CNOT2: variants seen among roughly 807,000 people sequenced by gnomAD.
CNOT2 encodes the protein CC chemokine receptor 4-negative regulator of transcription 2.
CNOT2 carries 7 observed loss-of-function variants against 72.1 expected under a neutral mutation model. The ratio of observed to expected loss-of-function variants is 0.10; its 90% CI spans 0.06 to 0.18. The LOEUF (loss-of-function observed/expected upper bound fraction) is 0.18. Among genes scored for constraint, CNOT2 ranks in the 10% least tolerant of loss-of-function variants. The pLI, the probability that CNOT2 is intolerant of heterozygous loss-of-function variation, is 1.00. For missense variants in CNOT2, 345 were observed against 660.3 expected (o/e 0.52, Z 5.23); for synonymous variants, 196 against 225.6 (o/e 0.87, Z 1.17).
chr12:70,271,954 A>T (rs1256271356), intron 1 of CNOT2, among the ~76,000 whole-genome samples: 1 of 152,172 alleles, frequency 6.6e-6, no homozygotes, highest in Non-Finnish European at 1.5e-5. Context: ...CTAATCCTAC[A>T]CTCAAAAGCT....
intron 2 of CNOT2, among the ~76,000 whole-genome samples, chr12:70,283,647 T>TAA (rs34501610): frequency 1.3e-3 from 164 of 122,888 alleles, no homozygotes; most frequent in South Asian, 2.9e-3. Flanking sequence ...AGAATGAGTT[T>TAA]AAAAAAAAAA....
intron 2 of CNOT2, among the ~76,000 whole-genome samples, chr12:70,302,499 G>A (rs1433656015): frequency 6.6e-6 from 1 of 151,996 alleles, no homozygotes; most frequent in East Asian, 1.9e-4. Context: ...GGAGCAGGTT[G>A]TTCAGTTTCC....
At chr12:70,310,517 A>G (rs921143093) in intron 2 of CNOT2, among the ~76,000 whole-genome samples, 1 of 152,086 alleles carries the variant, frequency 6.6e-6, no homozygotes, top group African/African-American at 2.4e-5. Flanking sequence ...TAAGGTGATG[A>G]CAGATACACA....
Position 70,310,959 on chromosome 12 carries a change from A to G in CNOT2, c.113A>G (p.His38Arg), listed in dbSNP as rs141549168. The part of the protein sequence containing the change: ...KFVEGVDSDY[H>R]DENMYYSQSS... The stretch of plus-strand genomic sequence containing the variant: ...GTAGAGGGGGTCGACAGTGACTACC[A>G]TGACGAAAACATGTACTACAGCCAG... Residue 38 changes from histidine to arginine, a missense_variant, in exon 3 of 16, where the codon CAT becomes CGT. By Grantham distance (29) the His-to-Arg change is conservative. Coordinates refer to ENST00000229195, the MANE Select transcript of CNOT2 (RefSeq NM_014515.7). 2.6e-5 allele frequency: 41 copies of G among 1,607,802 alleles called. No individual in the cohort carries two copies. Among genetic ancestry groups the G allele is most frequent in the Non-Finnish European group, 3.3e-5 (39 of 1,174,670 alleles).
At chr12:70,321,244 G>A (rs1878247514) in intron 4 of CNOT2, among the ~76,000 whole-genome samples, 2 of 151,778 alleles carry the variant, frequency 1.3e-5, no homozygotes, top group South Asian at 4.1e-4. Context: ...GAACTGTAAT[G>A]TTTCAGGTCA....
chr12:70,256,366 A>G (rs973514851), intron 1 of CNOT2, among the ~76,000 whole-genome samples: 6 of 152,136 alleles, frequency 3.9e-5, no homozygotes, highest in Non-Finnish European at 7.4e-5. Context: ...TACTTTGGGA[A>G]CTTCAACTTG....
chr12:70,248,880 A>G (rs894116302), intron 1 of CNOT2, among the ~76,000 whole-genome samples: 1 of 152,060 alleles, frequency 6.6e-6, no homozygotes, highest in African/African-American at 2.4e-5. Flanking sequence ...CTTTCCTTAT[A>G]CGTGAGTAGA....
Position 70,278,152 on chromosome 12 carries a change from C to T in CNOT2, c.-75C>T, listed in dbSNP as rs1257853637. 6 of 1,113,672 alleles carry T rather than the reference C, an allele frequency of 5.4e-6. No individual in the cohort carries two copies. Among genetic ancestry groups the T allele is most frequent in the Non-Finnish European group, 8.1e-6 (6 of 737,182 alleles). 69.0% of individuals were successfully genotyped at this position (1,113,672 alleles called of 1,614,324 possible). On this transcript the variant is annotated 5_prime_UTR_variant, in exon 2 of 16. Coordinates refer to ENST00000229195, the MANE Select transcript of CNOT2 (RefSeq NM_014515.7). ...TCTAGAGGGAGACGTGGTGGGCGGT[C>T]CTTCCTGTGACACGACCCTTGAGTG...
At chr12:70,257,100 A>G (rs768867517) in intron 1 of CNOT2, among the ~76,000 whole-genome samples, 1 of 152,042 alleles carries the variant, frequency 6.6e-6, no homozygotes. Context: ...TTGTACATTT[A>G]TTTCTTTAGA....
At chr12:70,334,613 C>T (rs763742972) in intron 7 of CNOT2, 2 of 151,844 alleles carry the variant, frequency 1.3e-5, no homozygotes, top group Non-Finnish European at 2.9e-5. Flanking sequence ...AAATTAAGAA[C>T]CCAAGGTTAT....
chr12:70,271,197 T>G (rs1166778253), intron 1 of CNOT2, among the ~76,000 whole-genome samples: 1 of 152,126 alleles, frequency 6.6e-6, no homozygotes, highest in Non-Finnish European at 1.5e-5. Context: ...GTTGTGCTAT[T>G]CTGATATAAC....
intron 1 of CNOT2, among the ~76,000 whole-genome samples, chr12:70,257,818 A>G (rs1026896578): frequency 6.6e-6 from 1 of 152,208 alleles, no homozygotes; most frequent in East Asian, 1.9e-4. Context: ...AAACTCGTAC[A>G]GGCCTAACAA....
At chr12:70,266,384 A>G (rs1959047811) in intron 1 of CNOT2, among the ~76,000 whole-genome samples, 2 of 152,272 alleles carry the variant, frequency 1.3e-5, no homozygotes, top group South Asian at 2.1e-4. Context: ...TGGCCTCCCA[A>G]AGTGCTGGGA....
At chr12:70,275,830 A>G (rs1456391735) in intron 1 of CNOT2, among the ~76,000 whole-genome samples, 6 of 152,096 alleles carry the variant, frequency 3.9e-5, no homozygotes, top group African/African-American at 1.4e-4. Context: ...TCCAATATGA[A>G]GGTTATCAAC....
intron 1 of CNOT2, among the ~76,000 whole-genome samples, chr12:70,265,431 C>A (rs1958996435): frequency 6.6e-6 from 1 of 151,570 alleles, no homozygotes; most frequent in Non-Finnish European, 1.5e-5. Flanking sequence ...ATCTAAGTTG[C>A]TGATTTTATT....
chr12:70,299,247 A>G (rs1873396112), intron 2 of CNOT2, among the ~76,000 whole-genome samples: 1 of 151,870 alleles, frequency 6.6e-6, no homozygotes, highest in Admixed American at 6.6e-5. Context: ...TTATACTTTA[A>G]GTTTTAAGGT....
intron 3 of CNOT2, among the ~76,000 whole-genome samples, chr12:70,318,765 G>A (rs750822422): frequency 1.3e-5 from 2 of 151,702 alleles, no homozygotes; most frequent in South Asian, 2.1e-4. Flanking sequence ...CAGGAAATAC[G>A]CAAATATGCA....
At position 70,337,523 on chromosome 12, in the gene CNOT2, T is replaced by C; in HGVS notation, c.900+10T>C. ...TGATGACAGTAAATCTGTAAGTAACTGAGAAGTGTGTATGTGAGTGATGTA... is the reference window on the plus strand; with the variant it reads ...TGATGACAGTAAATCTGTAAGTAACCGAGAAGTGTGTATGTGAGTGATGTA... On this transcript the variant is annotated intron_variant, in intron 9 of 15. Transcript: ENST00000229195. The C allele has an allele frequency of 1.2e-6, 2 of 1,609,778 alleles. No homozygotes were observed. The highest frequency in any genetic ancestry group is 1.7e-6 in the Non-Finnish European group (2 of 1,176,906).
Position 70,337,522 on chromosome 12 carries a change from C to T in CNOT2, c.900+9C>T. 1 of 1,610,400 alleles carries T rather than the reference C, an allele frequency of 6.2e-7. No homozygotes were observed. Among genetic ancestry groups the T allele is most frequent in the Non-Finnish European group, 8.5e-7 (1 of 1,177,456 alleles). On this transcript the variant is annotated intron_variant, in intron 9 of 15. Coordinates refer to ENST00000229195, the MANE Select transcript of CNOT2 (RefSeq NM_014515.7). Reference sequence around the variant, plus strand: ...ATGATGACAGTAAATCTGTAAGTAACTGAGAAGTGTGTATGTGAGTGATGT... The same window carrying T: ...ATGATGACAGTAAATCTGTAAGTAATTGAGAAGTGTGTATGTGAGTGATGT...
Sources: gnomAD v4.1 joint callset for allele counts (sites outside exome capture counted in the v4.1 genomes callset) on GRCh38, gnomAD v4.1.1 for gene constraint, MANE v1.5 for transcripts, NCBI Gene and HGNC (gene_info 2026-07-23, HGNC 2026-07-21) for gene names.